CYRIB: variants seen among roughly 807,000 people sequenced by gnomAD.
CYRIB encodes CYFIP related Rac1 interactor B.
In CYRIB, 8 loss-of-function variants were observed where a neutral mutation model predicts 44.2. The ratio of observed to expected loss-of-function variants is 0.18; its 90% CI spans 0.11 to 0.33. CYRIB has a LOEUF of 0.33. CYRIB is among the 10% of genes least tolerant of loss of function. The pLI, the probability that CYRIB is intolerant of heterozygous loss-of-function variation, is 1.00. For synonymous variants in CYRIB, 131 were observed against 127.2 expected (o/e 1.03, Z -0.20); for missense variants, 185 against 382.8 (o/e 0.48, Z 4.31).
intron 1 of CYRIB, among the ~76,000 whole-genome samples, chr8:130,011,814 C>A (rs944343378): frequency 6.6e-6 from 1 of 151,720 alleles, no homozygotes; most frequent in East Asian, 1.9e-4. Flanking sequence ...GCCTGGGCGA[C>A]AGAGCGAGAC....
chr8:129,954,118 A>T (rs899519995), intron 2 of CYRIB, among the ~76,000 whole-genome samples: 3 of 152,190 alleles, frequency 2.0e-5, no homozygotes, highest in African/African-American at 7.2e-5. Flanking sequence ...TACACAGAAG[A>T]GGGCAAAGGG....
At chr8:129,862,758 C>T (rs1009700478) in intron 4 of CYRIB, among the ~76,000 whole-genome samples, 3 of 152,190 alleles carry the variant, frequency 2.0e-5, no homozygotes, top group African/African-American at 7.2e-5. Flanking sequence ...AGGCGTGAGC[C>T]ACCACGCACG....
intron 4 of CYRIB, among the ~76,000 whole-genome samples, chr8:129,865,203 T>C (rs1302083578): frequency 6.6e-6 from 1 of 152,278 alleles, no homozygotes; most frequent in Non-Finnish European, 1.5e-5. Flanking sequence ...ATAGTATGTC[T>C]TCTTTCTAGT....
rs189445954 is a variant in CYRIB at position 129,885,187 on chromosome 8, A to G, written c.-10-5716T>C. On this transcript the variant is annotated intron_variant, in intron 2 of 11. Coordinates refer to ENST00000519824, the Ensembl canonical transcript of CYRIB. The stretch of plus-strand genomic sequence containing the variant: ...TCCTCTTCCTAGAATGCTAGTCCCA[A>G]AGATTTTCCCATGACTGGCTTCTTT... 3.7e-3 allele frequency among the ~76,000 whole-genome samples: 559 copies of G among 152,284 alleles called. 5 individuals are homozygous for G. Among genetic ancestry groups the G allele is most frequent in the Non-Finnish European group, 6.4e-3 (432 of 68,004 alleles).
chr8:129,850,371 T>C (rs1460474538), intron 9 of CYRIB: 2 of 158,384 alleles, frequency 1.3e-5, no homozygotes, highest in African/African-American at 4.8e-5. Flanking sequence ...CAGGTTCGTG[T>C]TGGAAAAAAA....
chr8:129,899,334 GTTTTA>G (rs1180754511), intron 2 of CYRIB, among the ~76,000 whole-genome samples: 1 of 152,070 alleles, frequency 6.6e-6, no homozygotes, highest in Admixed American at 6.6e-5. Flanking sequence ...AAGCTGGTTT[GTTTTA>G]TTTTAAAGGC....
chr8:129,869,904 A>C (rs997333156), intron 4 of CYRIB, among the ~76,000 whole-genome samples: 3 of 151,672 alleles, frequency 2.0e-5, no homozygotes, highest in Non-Finnish European at 4.4e-5. Context: ...GCCCAAAAAA[A>C]GGAATGGTTC....
chr8:129,982,499 T>C (rs952504123), intron 1 of CYRIB, among the ~76,000 whole-genome samples: 2 of 152,244 alleles, frequency 1.3e-5, no homozygotes, highest in African/African-American at 4.8e-5. Flanking sequence ...TAGTGTGCCA[T>C]CACTGCACAC....
chr8:130,011,813 A>G (rs2097226313), intron 1 of CYRIB, among the ~76,000 whole-genome samples: 1 of 152,064 alleles, frequency 6.6e-6, no homozygotes, highest in Non-Finnish European at 1.5e-5. Context: ...AGCCTGGGCG[A>G]CAGAGCGAGA....
chr8:129,962,052 C>T (rs2095283807), intron 2 of CYRIB, among the ~76,000 whole-genome samples: 1 of 152,128 alleles, frequency 6.6e-6, no homozygotes, highest in Admixed American at 6.5e-5. Context: ...GAGTTCAAGA[C>T]CAGCCTGAGC....
chr8:129,989,683 T>C lies in CYRIB; in HGVS notation c.-295-18688A>G, dbSNP rs549467766. ...ATTATACTTTAAGTTTTAGGGTACATGTGCACAACGTGCAGGTTTGTTACA... is the reference window on the plus strand; with the variant it reads ...ATTATACTTTAAGTTTTAGGGTACACGTGCACAACGTGCAGGTTTGTTACA... On this transcript the variant is annotated intron_variant, in intron 1 of 14. Coordinates refer to the CYRIB transcript ENST00000401979. 2.4e-4 allele frequency among the ~76,000 whole-genome samples: 36 copies of C among 151,334 alleles called. No homozygotes were observed. In the East Asian group the frequency reaches 4.5e-3, roughly 19 times the overall value.
At position 129,842,213 on chromosome 8, in the gene CYRIB, A is replaced by T. The variant is rs551104472; in HGVS notation, c.912-8T>A. Reference sequence around the variant, plus strand: ...AAATGTTTTGTTGTGTACCTAAAAAAAGAAAAGAAAAAAGATCAATTTTAG... The same window carrying T: ...AAATGTTTTGTTGTGTACCTAAAAATAGAAAAGAAAAAAGATCAATTTTAG... On this transcript the variant is annotated splice_region_variant and splice_polypyrimidine_tract_variant and intron_variant, in intron 11 of 11. Transcript: ENST00000519824. 6 of 1,598,002 alleles carry T rather than the reference A, an allele frequency of 3.8e-6. No individual in the cohort carries two copies. Among genetic ancestry groups the T allele is most frequent in the African/African-American group, 1.3e-5 (1 of 74,574 alleles).
chr8:130,013,198 AG>A (rs2097265501), intron 1 of CYRIB, among the ~76,000 whole-genome samples: 1 of 152,234 alleles, frequency 6.6e-6, no homozygotes, highest in South Asian at 2.1e-4. Context: ...CAATGGGAAC[AG>A]GGGCCTATGC....
chr8:129,921,282 T>C (rs1457946678), intron 1 of CYRIB, among the ~76,000 whole-genome samples: 1 of 152,224 alleles, frequency 6.6e-6, no homozygotes, highest in Non-Finnish European at 1.5e-5. Flanking sequence ...CTCTACACTA[T>C]TAAAAACTGA....
At chr8:129,924,631 C>A (rs1459854422) in intron 1 of CYRIB, among the ~76,000 whole-genome samples, 2 of 152,052 alleles carry the variant, frequency 1.3e-5, no homozygotes, top group Non-Finnish European at 2.9e-5. Flanking sequence ...ATGATCATGA[C>A]TTTGGTCACT....
chr8:129,929,354 T>C (rs947189396), intron 1 of CYRIB, among the ~76,000 whole-genome samples: 1 of 152,170 alleles, frequency 6.6e-6, no homozygotes, highest in South Asian at 2.1e-4. Flanking sequence ...GGAAAGTGGA[T>C]GCCTGGGGCA....
chr8:129,846,786 A>T lies in CYRIB; in HGVS notation c.911+18T>A. 1 of 1,563,150 alleles carries T rather than the reference A, an allele frequency of 6.4e-7. No homozygotes were observed. Among genetic ancestry groups the T allele is most frequent in the Non-Finnish European group, 8.7e-7 (1 of 1,155,822 alleles). On this transcript the variant is annotated intron_variant, in intron 11 of 11. Coordinates refer to ENST00000519824, the Ensembl canonical transcript of CYRIB. ...TTACAGATTTTTTCTGTACATACGT[A>T]CACGTACATATACACACCTGAGAGC...
chr8:129,942,211 C>T (rs181875649), upstream of CYRIB, among the ~76,000 whole-genome samples: 5 of 152,182 alleles, frequency 3.3e-5, no homozygotes, highest in Admixed American at 2.6e-4. Context: ...TGGTGGCAGG[C>T]GCCTGTAATC....
chr8:129,959,532 T>G (rs924706604), intron 2 of CYRIB, among the ~76,000 whole-genome samples: 1 of 152,048 alleles, frequency 6.6e-6, no homozygotes, highest in Admixed American at 6.6e-5. Flanking sequence ...CCCAGCACTT[T>G]AGGAGGCTGA....
Sources: gnomAD v4.1 joint callset for allele counts (sites outside exome capture counted in the v4.1 genomes callset) on GRCh38, gnomAD v4.1.1 for gene constraint, MANE v1.5 for transcripts, NCBI Gene and HGNC (gene_info 2026-07-23, HGNC 2026-07-21) for gene names.